STAT4: variants seen among roughly 807,000 people sequenced by gnomAD.
STAT4 encodes the protein signal transducer and activator of transcription 4.
A neutral mutation model predicts 110.5 loss-of-function variants in STAT4; 42 were observed. The observed-to-expected ratio is 0.38, with a 90% CI of 0.30 to 0.49. The LOEUF is 0.49. STAT4 is among the 20% of genes least tolerant of loss of function. The pLI, the probability that STAT4 is intolerant of heterozygous loss-of-function variation, is 0.95. For synonymous variants in STAT4, 284 were observed against 302.2 expected (o/e 0.94, Z 0.63); for missense variants, 632 against 887.9 (o/e 0.71, Z 3.66).
rs571111951 is a variant in STAT4 at position 191,090,691 on chromosome 2, G to T, written c.274-14366C>A. Among the ~76,000 whole-genome samples, 1 of 152,222 alleles carries T rather than the reference G, an allele frequency of 6.6e-6. No homozygotes were observed. Among genetic ancestry groups the T allele is most frequent in the South Asian group, 2.1e-4 (1 of 4,828 alleles). On this transcript the variant is annotated intron_variant, in intron 3 of 23. Transcript: ENST00000392320. The surrounding 1 kb of genome is among the most constrained non-coding windows in gnomAD (Gnocchi z 4.2). ...TTCTCCTGCCTCAGCCTCCCGAGCA[G>T]CTGGGACTAGAGGCACCCGCCACCA...
intron 3 of STAT4, among the ~76,000 whole-genome samples, chr2:191,145,113 C>A (rs541763264): frequency 1.2e-4 from 19 of 152,164 alleles, no homozygotes; most frequent in Admixed American, 1.2e-3. Context: ...AAATATGAGA[C>A]ACATATATAC....
chr2:191,062,470 A>G lies in STAT4; in HGVS notation c.941+292T>C, dbSNP rs1696876152. Among the ~76,000 whole-genome samples the G allele has an allele frequency of 6.6e-6, 1 of 152,208 alleles. No individual in the cohort carries two copies. The highest frequency in any genetic ancestry group is 1.5e-5 in the Non-Finnish European group (1 of 68,026). ...GTTCTCCATCCTTCATTTCATGGATATGCACATAAGAAAAAACCCTTGAAA... is the reference window on the plus strand; with the variant it reads ...GTTCTCCATCCTTCATTTCATGGATGTGCACATAAGAAAAAACCCTTGAAA... On this transcript the variant is annotated intron_variant, in intron 9 of 23. Transcript: ENST00000392320. The surrounding 1 kb of genome is among the most constrained non-coding windows in gnomAD (Gnocchi z 4.9).
intron 5 of STAT4, among the ~76,000 whole-genome samples, chr2:191,070,819 C>A (rs1268601140): frequency 6.8e-6 from 1 of 146,374 alleles, no homozygotes; most frequent in Non-Finnish European, 1.5e-5. Context: ...GGGCAAATGT[C>A]TTTGCATTTT....
intron 3 of STAT4, among the ~76,000 whole-genome samples, chr2:191,127,698 A>G (rs554025944): frequency 6.6e-6 from 1 of 152,326 alleles, no homozygotes; most frequent in African/African-American, 2.4e-5. Flanking sequence ...TATGAGCCCT[A>G]CTTTTAAGAA....
rs375179069 is a variant in STAT4, at chr2:191,082,538, T to C, written c.274-6213A>G. Among the ~76,000 whole-genome samples the C allele has an allele frequency of 1.3e-5, 2 of 152,360 alleles. No homozygotes were observed. Among genetic ancestry groups the C allele is most frequent in the East Asian group, 3.9e-4 (2 of 5,188 alleles). ...ACAGCAATTAAGAGGTGTTATTGAT[T>C]ATAATATGCATTCTATTTCAGAGAT... On this transcript the variant is annotated intron_variant, in intron 3 of 23. Coordinates refer to ENST00000392320, the MANE Select transcript of STAT4 (RefSeq NM_003151.4). The surrounding 1 kb of genome is among the most constrained non-coding windows in gnomAD (Gnocchi z 4.7).
chr2:191,032,924 G>GAA lies in STAT4; in HGVS notation c.2044+32_2044+33dup. On this transcript the variant is annotated intron_variant, in intron 21 of 23. Transcript: ENST00000392320. The surrounding 1 kb of genome is among the most constrained non-coding windows in gnomAD (Gnocchi z 4.9). Reference sequence around the variant, plus strand: ...TGAGGTTATTTTCCAAAATCTTAAGGAAAAAAAAACAAAAACAAACAGAAA... The same window carrying GAA: ...TGAGGTTATTTTCCAAAATCTTAAGGAAAAAAAAAAACAAAAACAAACAGAAA... 1 of 1,515,960 alleles carries GAA rather than the reference G, an allele frequency of 6.6e-7. No individual in the cohort carries two copies. The highest frequency in any genetic ancestry group is 8.9e-7 in the Non-Finnish European group (1 of 1,122,866). 93.9% of individuals were successfully genotyped at this position (1,515,960 alleles called of 1,614,324 possible).
intron 3 of STAT4, among the ~76,000 whole-genome samples, chr2:191,131,286 T>C (rs1014403008): frequency 6.6e-6 from 1 of 151,814 alleles, no homozygotes; most frequent in African/African-American, 2.4e-5. Context: ...TAACGTTGTT[T>C]GCAATAGCAA....
At position 191,031,413 on chromosome 2, in the gene STAT4, T is replaced by C. The variant is rs1165371318; in HGVS notation, c.2111+37A>G. 7 of 1,597,314 alleles carry C rather than the reference T, an allele frequency of 4.4e-6. No homozygotes were observed. Among genetic ancestry groups the C allele is most frequent in the South Asian group, 1.1e-5 (1 of 88,770 alleles). ...TTTAAATCTCCTATAGGAAAGCTTT[T>C]TATAAAAATATTTCACATGTGACTA... On this transcript the variant is annotated intron_variant, in intron 22 of 23. Coordinates refer to ENST00000392320, the MANE Select transcript of STAT4 (RefSeq NM_003151.4). This position sits in a 1 kb window ranked among gnomAD's most constrained non-coding sequence, Gnocchi z 4.8.
chr2:191,029,857 G>T lies in STAT4; in HGVS notation c.2230C>A (p.Pro744Thr). ...PTTIETAMKS[P>T]YSAE ...TTATCCTGTCATTCAGCAGAATAAG[G>T]AGACTTCATCTAAAATTAAAAATGA... The change falls in exon 24 of 24, where the codon CCT becomes ACT. Residue 744 changes from proline (P) to threonine (T), a missense_variant. Physicochemically the swap from Pro to Thr is conservative, Grantham distance 38 (BLOSUM62 -1). This residue lies in a region of STAT4 where 32 missense variants were observed against 67.6 expected (regional missense o/e 0.47). Coordinates refer to ENST00000392320, the MANE Select transcript of STAT4 (RefSeq NM_003151.4). The surrounding 1 kb of genome is among the most constrained non-coding windows in gnomAD (Gnocchi z 4.5). The T allele has an allele frequency of 6.3e-7, 1 of 1,595,780 alleles. No individual in the cohort carries two copies. The highest frequency in any genetic ancestry group is 1.2e-5 in the South Asian group (1 of 86,434).
Position 191,116,446 on chromosome 2 carries a change from A to G in STAT4, c.273+30167T>C, listed in dbSNP as rs1301793206. Among the ~76,000 whole-genome samples, 1 of 152,236 alleles carries G rather than the reference A, an allele frequency of 6.6e-6. No individual in the cohort carries two copies. The highest frequency in any genetic ancestry group is 1.5e-5 in the Non-Finnish European group (1 of 68,044). On this transcript the variant is annotated intron_variant, in intron 3 of 23. Coordinates refer to ENST00000392320, the MANE Select transcript of STAT4 (RefSeq NM_003151.4). This position sits in a 1 kb window ranked among gnomAD's most constrained non-coding sequence, Gnocchi z 4.1. ...TTGAGAAATGCTAATTCAAGTTAGA[A>G]AGAAATACCCGAGTAGCCTAGAAAA...
chr2:191,073,051 TG>T, intron 5 of STAT4, 46 bp downstream of exon 5: 1 of 1,526,300 alleles, frequency 6.6e-7, no homozygotes, highest in Non-Finnish European at 9.1e-7. Context: ...CATAGTTATA[TG>T]GGGACAGTAT....
chr2:191,061,397 A>C lies in STAT4; in HGVS notation c.1034+332T>G, dbSNP rs1341426075. ...AGGAAGCCATTATTTCTGTATTCTC[A>C]CTCTCCTACAATCCTCCTCCCCTCT... On this transcript the variant is annotated intron_variant, in intron 10 of 23. Transcript: ENST00000392320. This position sits in a 1 kb window ranked among gnomAD's most constrained non-coding sequence, Gnocchi z 6.2. 2.0e-5 allele frequency among the ~76,000 whole-genome samples: 3 copies of C among 151,552 alleles called. No homozygotes were observed. The highest frequency in any genetic ancestry group is 4.4e-5 in the Non-Finnish European group (3 of 67,900).
chr2:191,069,583 T>C lies in STAT4; in HGVS notation c.544+110A>G, dbSNP rs1574727154. ...CAAGAAAATACTCCCTGTATTTCCCTAGGCTCACCTAAGGAAGTAGATCAA... is the reference window on the plus strand; with the variant it reads ...CAAGAAAATACTCCCTGTATTTCCCCAGGCTCACCTAAGGAAGTAGATCAA... On this transcript the variant is annotated intron_variant, in intron 6 of 23. Coordinates refer to ENST00000392320, the MANE Select transcript of STAT4 (RefSeq NM_003151.4). 3.3e-5 allele frequency: 27 copies of C among 814,972 alleles called. No homozygotes were observed. In the East Asian group the frequency reaches 6.5e-4, roughly 20 times the overall value. The allele number at this position is 814,972 out of a possible 1,614,324, so 50.5% of individuals were successfully genotyped here. A position where few individuals can be genotyped will look rare whatever the true frequency, so the allele number is the denominator to read the frequency against.
intron 3 of STAT4, among the ~76,000 whole-genome samples, chr2:191,145,485 A>G (rs1031508): frequency 0.65 from 98,069 of 151,980 alleles, 33,222 homozygotes; most frequent in South Asian, 0.78. Flanking sequence ...TAAAGCCACC[A>G]TTAAATGATT....
intron 14 of STAT4, among the ~76,000 whole-genome samples, chr2:191,047,600 T>C (rs562910173): frequency 2.6e-5 from 4 of 152,056 alleles, no homozygotes; most frequent in African/African-American, 7.3e-5. Flanking sequence ...AGAGTAAGAG[T>C]AGAAAAAAGT....
At position 191,142,116 on chromosome 2, in the gene STAT4, C is replaced by A. The variant is rs1056529524; in HGVS notation, c.273+4497G>T. Among the ~76,000 whole-genome samples, 5 of 152,078 alleles carry A rather than the reference C, an allele frequency of 3.3e-5. No homozygotes were observed. Among genetic ancestry groups the A allele is most frequent in the African/African-American group, 1.2e-4 (5 of 41,402 alleles). On this transcript the variant is annotated intron_variant, in intron 3 of 23. Coordinates refer to ENST00000392320, the MANE Select transcript of STAT4 (RefSeq NM_003151.4). The surrounding 1 kb of genome is among the most constrained non-coding windows in gnomAD (Gnocchi z 4.1). ...AATTAGAATATAAAAGAGATGCCTG[C>A]ACTTGCATGTTTATTGCAGGACTAT...
At position 191,104,110 on chromosome 2, in the gene STAT4, A is replaced by C. The variant is rs556943667; in HGVS notation, c.274-27785T>G. On this transcript the variant is annotated intron_variant, in intron 3 of 23. Transcript: ENST00000392320. This position sits in a 1 kb window ranked among gnomAD's most constrained non-coding sequence, Gnocchi z 4.3. ...CATATAATCCCCGTTTTGTGAAAAA[A>C]TATATCTATTCATCTCTAATACTTT... Among the ~76,000 whole-genome samples the C allele has an allele frequency of 6.6e-6, 1 of 152,298 alleles. No individual in the cohort carries two copies. Among genetic ancestry groups the C allele is most frequent in the African/African-American group, 2.4e-5 (1 of 41,576 alleles).
In STAT4 at chr2:191,037,903, G is replaced by A. The variant is rs563757508; in HGVS notation, c.1434+1296C>T. Among the ~76,000 whole-genome samples the A allele has an allele frequency of 1.3e-4, 20 of 152,202 alleles. No individual in the cohort carries two copies. Among genetic ancestry groups the A allele is most frequent in the African/African-American group, 4.3e-4 (18 of 41,452 alleles). On this transcript the variant is annotated intron_variant, in intron 16 of 23. Transcript: ENST00000392320. This position sits in a 1 kb window ranked among gnomAD's most constrained non-coding sequence, Gnocchi z 4.8. ...AGGATAGAATTAAGAGGAGAAACCA[G>A]GATTAGTTGTTTAGACTGGTTCTGT...
intron 6 of STAT4, among the ~76,000 whole-genome samples, chr2:191,068,813 A>T (rs1697066241): frequency 6.6e-6 from 1 of 152,116 alleles, no homozygotes; most frequent in East Asian, 1.9e-4. Context: ...GAATCTTGTC[A>T]ATTGTCCCAT....
Sources: allele counts gnomAD v4.1 joint callset (sites outside exome capture counted in the v4.1 genomes callset), GRCh38; gene constraint gnomAD v4.1.1; regional missense constraint gnomAD v4.1.1; non-coding constraint Gnocchi (gnomAD v3.1); transcripts MANE v1.5; gene names NCBI Gene and HGNC (gene_info 2026-07-23, HGNC 2026-07-21).